Variants in ABCB1 observed in about 807,000 individuals in gnomAD.
ABCB1 encodes the protein ATP binding cassette subfamily B member 1, also known as ATP-dependent translocase ABCB1.
ABCB1 carries 69 observed loss-of-function variants against 142.0 expected under a neutral mutation model. That is an observed-to-expected ratio of 0.49 (90% CI 0.40 to 0.59). The LOEUF (loss-of-function observed/expected upper bound fraction) is 0.59, where lower values mean the gene tolerates loss of function less well. Among genes scored for constraint, ABCB1 ranks in the 20% least tolerant of loss-of-function variants. The pLI, the probability that ABCB1 is intolerant of heterozygous loss-of-function variation, is 0.00. For synonymous variants in ABCB1, 532 were observed against 539.2 expected (o/e 0.99, Z 0.18); for missense variants, 1,326 against 1,554.7 (o/e 0.85, Z 2.47).
intron 1 of ABCB1, among the ~76,000 whole-genome samples, chr7:87,647,862 C>G (rs549954896): frequency 6.6e-6 from 1 of 151,986 alleles, no homozygotes; most frequent in South Asian, 2.1e-4. Flanking sequence ...AATTGGCCAA[C>G]TTGCAGAGAT....
At chr7:87,628,129 G>T (rs1820786644) in intron 1 of ABCB1, among the ~76,000 whole-genome samples, 2 of 152,306 alleles carry the variant, frequency 1.3e-5, no homozygotes, top group Middle Eastern at 3.4e-3. Flanking sequence ...GCAAGGGGGG[G>T]GCAATAGGCC....
chr7:87,573,065 G>C (rs758458348), intron 4 of ABCB1, among the ~76,000 whole-genome samples: 2 of 152,078 alleles, frequency 1.3e-5, no homozygotes, highest in Non-Finnish European at 2.9e-5. Context: ...CCTGAGACTG[G>C]GTAATTTATA....
At chr7:87,573,329 G>T (rs1341015656) in intron 4 of ABCB1, among the ~76,000 whole-genome samples, 3 of 152,156 alleles carry the variant, frequency 2.0e-5, no homozygotes, top group East Asian at 1.9e-4. Flanking sequence ...CTTAGTCTCA[G>T]TTACTGACCC....
At chr7:87,563,448 TC>T in intron 7 of ABCB1, 1 of 445,750 alleles carries the variant, frequency 2.2e-6, no homozygotes, top group Non-Finnish European at 4.5e-6. Context: ...CAGCAGCACA[TC>T]AAAAAGCTTA....
intron 1 of ABCB1, among the ~76,000 whole-genome samples, chr7:87,665,277 AC>A (rs1825112661): frequency 6.6e-6 from 1 of 152,170 alleles, no homozygotes; most frequent in Admixed American, 6.6e-5. Context: ...AAAATAAGTT[AC>A]ATTTTTATAT....
chr7:87,504,759 T>C (rs934899982), intron 27 of ABCB1, among the ~76,000 whole-genome samples: 5 of 148,864 alleles, frequency 3.4e-5, no homozygotes, highest in Admixed American at 2.7e-4. Flanking sequence ...GAGCCAAGAT[T>C]GCGCCACTGC....
chr7:87,681,749 A>G lies in ABCB1; in HGVS notation c.-331+31412T>C, dbSNP rs574530347. On this transcript the variant is annotated intron_variant, in intron 1 of 28. Coordinates refer to the ABCB1 transcript ENST00000265724. ...AACAATGGGCTGGGCACAGTGGCTT[A>G]CAGCTATAATCCCAGCACTTGGGAG... is the stretch of plus-strand genomic sequence containing the variant. Among the ~76,000 whole-genome samples, 3 of 138,140 alleles carry G rather than the reference A, an allele frequency of 2.2e-5. 1 individual carries two copies. The highest frequency in any genetic ancestry group is 4.6e-4 in the East Asian group (2 of 4,312). The allele number at this position is 138,140 out of a possible 152,430, so 90.6% of individuals were successfully genotyped here. A position where few individuals can be genotyped will look rare whatever the true frequency, so the allele number is the denominator to read the frequency against.
At chr7:87,699,482 C>A (rs968507637) in intron 1 of ABCB1, among the ~76,000 whole-genome samples, 1 of 152,218 alleles carries the variant, frequency 6.6e-6, no homozygotes, top group South Asian at 2.1e-4. Context: ...CAGCTCACTG[C>A]AACCTTCACC....
intron 1 of ABCB1, chr7:87,700,688 A>C (rs1014479258): frequency 8.0e-6 from 6 of 752,666 alleles, no homozygotes; most frequent in Non-Finnish European, 1.2e-5. Context: ...CTGTTCTGTG[A>C]TGTTTCTACA....
At chr7:87,598,936 G>C (rs1196819815) in intron 2 of ABCB1, among the ~76,000 whole-genome samples, 1 of 152,140 alleles carries the variant, frequency 6.6e-6, no homozygotes, top group Non-Finnish European at 1.5e-5. Flanking sequence ...TTCTTTTAGG[G>C]AGGAATGGTA....
intron 1 of ABCB1, among the ~76,000 whole-genome samples, chr7:87,663,141 T>C (rs982292186): frequency 6.6e-6 from 1 of 152,130 alleles, no homozygotes; most frequent in African/African-American, 2.4e-5. Flanking sequence ...GGCTTTTTGG[T>C]GAATTCTTTA....
chr7:87,669,600 T>G (rs903924545), intron 1 of ABCB1, among the ~76,000 whole-genome samples: 1 of 152,218 alleles, frequency 6.6e-6, no homozygotes, highest in African/African-American at 2.4e-5. Context: ...GTTTTTGTAT[T>G]AGCTGGTATT....
At chr7:87,551,256 A>G (rs1411424165) in intron 9 of ABCB1, among the ~76,000 whole-genome samples, 1 of 152,074 alleles carries the variant, frequency 6.6e-6, no homozygotes, top group Non-Finnish European at 1.5e-5. Context: ...GCCTCAAGCA[A>G]TCCTCCTGCC....
At chr7:87,620,667 C>A (rs552431097) in intron 1 of ABCB1, among the ~76,000 whole-genome samples, 1 of 152,130 alleles carries the variant, frequency 6.6e-6, no homozygotes, top group South Asian at 2.1e-4. Context: ...TGAGCTAGTG[C>A]CTAGAAAACC....
At chr7:87,592,007 T>A (rs1238491917) in intron 3 of ABCB1, among the ~76,000 whole-genome samples, 1 of 152,036 alleles carries the variant, frequency 6.6e-6, no homozygotes, top group Admixed American at 6.6e-5. Flanking sequence ...TGCTGAGAGA[T>A]CAAGATAGAA....
chr7:87,509,189 C>T (rs1814889521), intron 26 of ABCB1, 86 bp downstream of exon 26: 4 of 1,397,732 alleles, frequency 2.9e-6, no homozygotes, highest in African/African-American at 2.8e-5. Context: ...CTCTTCACTT[C>T]TGGGAGACCA....
chr7:87,534,445 C>T (rs907218422), intron 20 of ABCB1, among the ~76,000 whole-genome samples: 1 of 152,104 alleles, frequency 6.6e-6, no homozygotes, highest in Non-Finnish European at 1.5e-5. Flanking sequence ...CATAGTAAAA[C>T]TTATTTAGTA....
chr7:87,540,403 A>C (rs1198326921), intron 18 of ABCB1, among the ~76,000 whole-genome samples: 1 of 152,238 alleles, frequency 6.6e-6, no homozygotes, highest in Non-Finnish European at 1.5e-5. Context: ...ACTTGAACCA[A>C]AACCAATACT....
At chr7:87,640,583 A>G (rs1482152472) in intron 1 of ABCB1, among the ~76,000 whole-genome samples, 1 of 152,108 alleles carries the variant, frequency 6.6e-6, no homozygotes, top group Non-Finnish European at 1.5e-5. Flanking sequence ...GGCCTCAGGC[A>G]TTCCTCCTGC....
Sources: gnomAD v4.1 joint callset for allele counts (sites outside exome capture counted in the v4.1 genomes callset) on GRCh38, gnomAD v4.1.1 for gene constraint, MANE v1.5 for transcripts, NCBI Gene and HGNC (gene_info 2026-07-23, HGNC 2026-07-21) for gene names.